PLCG1: variants seen among roughly 807,000 people sequenced by gnomAD.
The protein encoded by PLCG1 is phospholipase C gamma 1, also known as 1-phosphatidylinositol 4,5-bisphosphate phosphodiesterase gamma-1.
In PLCG1, 71 loss-of-function variants were observed where a neutral mutation model predicts 177.8. The ratio of observed to expected loss-of-function variants is 0.40; its 90% CI spans 0.33 to 0.49. The LOEUF (loss-of-function observed/expected upper bound fraction) is 0.49. Ranked by LOEUF, PLCG1 falls within the 20% of genes least tolerant of loss-of-function variation. The pLI, the probability that PLCG1 is intolerant of heterozygous loss-of-function variation, is 0.72. For missense variants in PLCG1, 1,281 were observed against 1,709.0 expected (o/e 0.75, Z 4.42); for synonymous variants, 658 against 647.9 (o/e 1.02, Z -0.24).
At position 41,167,514 on chromosome 20, in the gene PLCG1, A is replaced by C; in HGVS notation, c.2302-338A>C. ...TTTCCTGACTTTGGGCTCAGCAGTG[A>C]ACCAACAAGCCACTGAACTAAAGCA... On this transcript the variant is annotated intron_variant, in intron 19 of 31. Coordinates refer to ENST00000685551, the MANE Select transcript of PLCG1 (RefSeq NM_002660.3). This position sits in a 1 kb window ranked among gnomAD's most constrained non-coding sequence, Gnocchi z 4.4. 1 of 266,260 alleles carries C rather than the reference A, an allele frequency of 3.8e-6. No individual in the cohort carries two copies. The highest frequency in any genetic ancestry group is 7.2e-6 in the Non-Finnish European group (1 of 138,352). 16.5% of individuals were successfully genotyped at this position (266,260 alleles called of 1,614,324 possible).
At chr20:41,168,520 G>T (rs2035779825) in intron 20 of PLCG1, among the ~76,000 whole-genome samples, 1 of 152,244 alleles carries the variant, frequency 6.6e-6, no homozygotes, top group Non-Finnish European at 1.5e-5. Context: ...TGGGGCTTAA[G>T]GTTCCACCTG....
chr20:41,169,399 C>T lies in PLCG1; in HGVS notation c.2581-58C>T, dbSNP rs2035819620. 11 of 1,302,670 alleles carry T rather than the reference C, an allele frequency of 8.4e-6. No individual in the cohort carries two copies. In the South Asian group the frequency reaches 1.2e-4, roughly 14 times the overall value. The allele number at this position is 1,302,670 out of a possible 1,614,324, so 80.7% of individuals were successfully genotyped here. On this transcript the variant is annotated intron_variant, in intron 22 of 31. Coordinates refer to ENST00000685551, the MANE Select transcript of PLCG1 (RefSeq NM_002660.3). ...GTATTTGTCCCATGCACACGGATAT[C>T]CCCTCACACACATATGCAGTAGCCA...
rs2036093510 is a variant in PLCG1, at chr20:41,177,378, T to A, written c.*2869T>A. The A allele has an allele frequency of 6.6e-6, 1 of 152,264 alleles. No homozygotes were observed. Among genetic ancestry groups the A allele is most frequent in the Admixed American group, 6.5e-5 (1 of 15,292 alleles). The allele number at this position is 152,264 out of a possible 1,614,324, so 9.4% of individuals were successfully genotyped here. A position where few individuals can be genotyped will look rare whatever the true frequency, so the allele number is the denominator to read the frequency against. On this transcript the variant is annotated 3_prime_UTR_variant, in exon 32 of 32. Transcript: ENST00000685551. ...AGCAGTTTCTGACCTCAGTTGAGTATCTGTGGCCATGAGCAGAAAAGGCAG... is the reference window on the plus strand; with the variant it reads ...AGCAGTTTCTGACCTCAGTTGAGTAACTGTGGCCATGAGCAGAAAAGGCAG...
rs1295186023 is a variant in PLCG1, at chr20:41,150,891, C to G, written c.218-8715C>G. On this transcript the variant is annotated intron_variant, in intron 1 of 31. Transcript: ENST00000685551. This position sits in a 1 kb window ranked among gnomAD's most constrained non-coding sequence, Gnocchi z 4.0. Reference sequence around the variant, plus strand: ...CATGACCTCATAGTTATCTGCTTCCCCATCTGTTTCCTCCATCAGGCAGGG... The same window carrying G: ...CATGACCTCATAGTTATCTGCTTCCGCATCTGTTTCCTCCATCAGGCAGGG... Among the ~76,000 whole-genome samples, 1 of 152,190 alleles carries G rather than the reference C, an allele frequency of 6.6e-6. No individual in the cohort carries two copies. Among genetic ancestry groups the G allele is most frequent in the Non-Finnish European group, 1.5e-5 (1 of 68,030 alleles).
Position 41,137,741 on chromosome 20 carries a change from G to A in PLCG1, c.100G>A (p.Val34Ile). 1 of 1,322,842 alleles carries A rather than the reference G, an allele frequency of 7.6e-7. No homozygotes were observed. The allele number at this position is 1,322,842 out of a possible 1,614,324, so 81.9% of individuals were successfully genotyped here. The change falls in exon 1 of 32, where the codon GTC becomes ATC. Residue 34 changes from valine to isoleucine, a missense_variant. By Grantham distance (29) the Val-to-Ile change is conservative. Coordinates refer to ENST00000685551, the MANE Select transcript of PLCG1 (RefSeq NM_002660.3). This position sits in a 1 kb window ranked among gnomAD's most constrained non-coding sequence, Gnocchi z 7.3. ...HLCRSLEVGTVMTLFYSKKSQ... is the reference protein window; with the variant it reads ...HLCRSLEVGTIMTLFYSKKSQ... ...CTGCCGCAGCCTCGAGGTGGGCACC[G>A]TCATGACTTTGTTCTACTCCAAGAA...
In PLCG1 at chr20:41,153,911, A is replaced by G. The variant is rs2146020717; in HGVS notation, c.218-5695A>G. Among the ~76,000 whole-genome samples the G allele has an allele frequency of 6.6e-6, 1 of 152,342 alleles. No individual in the cohort carries two copies. On this transcript the variant is annotated intron_variant, in intron 1 of 31. Transcript: ENST00000685551. The surrounding 1 kb of genome is among the most constrained non-coding windows in gnomAD (Gnocchi z 5.1). ...ACACCCAGACCCAGAGAAATATTTC[A>G]GTGAAAGCATGTTTCATGTTCAGAA...
rs532675742 is a variant in PLCG1 at position 41,155,133 on chromosome 20, G to T, written c.218-4473G>T. ...TGCTCTTCCCAGTCTCCCTGGCCTC[G>T]TCATATAACCTTTTATTTTACAAAT... On this transcript the variant is annotated intron_variant, in intron 1 of 31. Transcript: ENST00000685551. Among the ~76,000 whole-genome samples, 5 of 152,310 alleles carry T rather than the reference G, an allele frequency of 3.3e-5. No homozygotes were observed. In the South Asian group the frequency reaches 1.0e-3, roughly 32 times the overall value.
chr20:41,162,764 G>T, intron 6 of PLCG1, 39 bp downstream of exon 6: 1 of 1,522,964 alleles, frequency 6.6e-7, no homozygotes, highest in Non-Finnish European at 9.0e-7. Flanking sequence ...CCCTGCCCCT[G>T]CTCTTCCACC....
In PLCG1 at chr20:41,163,049, G is replaced by A; in HGVS notation, c.716+57G>A. 6.4e-7 allele frequency: 1 copy of A among 1,568,926 alleles called. No individual in the cohort carries two copies. The highest frequency in any genetic ancestry group is 8.8e-7 in the Non-Finnish European group (1 of 1,138,886). ...CCTGGGCCCCCTTCATCTCTCCACT[G>A]GGCGATTCTTGATCCAGGTGGGAGG... is the stretch of plus-strand genomic sequence containing the variant. On this transcript the variant is annotated intron_variant, in intron 7 of 31. Coordinates refer to ENST00000685551, the MANE Select transcript of PLCG1 (RefSeq NM_002660.3). This position sits in a 1 kb window ranked among gnomAD's most constrained non-coding sequence, Gnocchi z 5.2.
At chr20:41,154,242 C>T (rs2146021270) in intron 1 of PLCG1, among the ~76,000 whole-genome samples, 1 of 152,276 alleles carries the variant, frequency 6.6e-6, no homozygotes, top group Non-Finnish European at 1.5e-5. Context: ...ATTTGGGGGA[C>T]CTCTGTCTGT....
In PLCG1 at chr20:41,162,838, C is replaced by T. The variant is rs2035557347; in HGVS notation, c.681+113C>T. Reference sequence around the variant, plus strand: ...GCTTAGGGGCTTTTGGGTGCCATTTCTCCAGTTCTTCTCCTCTTGAGGCCT... The same window carrying T: ...GCTTAGGGGCTTTTGGGTGCCATTTTTCCAGTTCTTCTCCTCTTGAGGCCT... On this transcript the variant is annotated intron_variant, in intron 6 of 31. Transcript: ENST00000685551. 3.1e-5 allele frequency: 41 copies of T among 1,332,044 alleles called. No individual in the cohort carries two copies. The South Asian group carries it at 4.9e-4, about 16-fold the overall frequency. The allele number at this position is 1,332,044 out of a possible 1,614,324, so 82.5% of individuals were successfully genotyped here. A position where few individuals can be genotyped will look rare whatever the true frequency, so the allele number is the denominator to read the frequency against.
At position 41,138,033 on chromosome 20, in the gene PLCG1, G is replaced by T. The variant is rs1056644614; in HGVS notation, c.217+175G>T. The T allele has an allele frequency of 3.2e-5, 13 of 405,740 alleles. No homozygotes were observed. The South Asian group carries it at 1.6e-3, about 51-fold the overall frequency. 25.1% of individuals were successfully genotyped at this position (405,740 alleles called of 1,614,324 possible). On this transcript the variant is annotated intron_variant, in intron 1 of 31. Coordinates refer to ENST00000685551, the MANE Select transcript of PLCG1 (RefSeq NM_002660.3). ...CTCGGGTGGTCACTGGGGGCGGGGG[G>T]CATCCGGGTCCTCGGTCACCTGACA...
rs36024108 is a variant in PLCG1 at position 41,144,193 on chromosome 20, G to A, written c.217+6335G>A. Among the ~76,000 whole-genome samples the A allele has an allele frequency of 0.021, 3,138 of 152,302 alleles. 98 individuals are homozygous for A. Among genetic ancestry groups the A allele is most frequent in the African/African-American group, 0.071 (2,940 of 41,560 alleles). ...GGAGTTACTATCCCTCTCTTACAGAGGAGAAAACCAAGCCCTAAGGGTAAG... is the reference window on the plus strand; with the variant it reads ...GGAGTTACTATCCCTCTCTTACAGAAGAGAAAACCAAGCCCTAAGGGTAAG... On this transcript the variant is annotated intron_variant, in intron 1 of 31. Transcript: ENST00000685551. This position sits in a 1 kb window ranked among gnomAD's most constrained non-coding sequence, Gnocchi z 4.1.
Position 41,170,236 on chromosome 20 carries a change from G to A in PLCG1, c.2775G>A (p.Lys925=), listed in dbSNP as rs149943087. Residue 925 remains lysine (K), a synonymous_variant, in exon 24 of 32, where the codon AAG becomes AAA. Transcript: ENST00000685551. The part of the protein sequence containing the change: ...SQEELQDWVK[K]IREVAQTADA... ...AGGAGCTGCAGGACTGGGTGAAAAA[G>A]ATCCGTGAAGTGGCCCAGACAGCAG... 3.2e-5 allele frequency: 52 copies of A among 1,614,136 alleles called. No homozygotes were observed. In the African/African-American group the frequency reaches 5.9e-4, roughly 18 times the overall value.
rs747187876 is a variant in PLCG1, at chr20:41,173,541, C to T, written c.3394+7C>T. 1.1e-5 allele frequency: 17 copies of T among 1,613,818 alleles called. No homozygotes were observed. In the Middle Eastern group the frequency reaches 4.9e-4, roughly 47 times the overall value. On this transcript the variant is annotated splice_region_variant and intron_variant, in intron 28 of 31. Coordinates refer to ENST00000685551, the MANE Select transcript of PLCG1 (RefSeq NM_002660.3). The surrounding 1 kb of genome is among the most constrained non-coding windows in gnomAD (Gnocchi z 6.2). ...CAGAAGACAGAGTTTGTGGGTCAGT[C>T]TGTCTTCCCAGTCATCCTCCTCATC...
intron 1 of PLCG1, among the ~76,000 whole-genome samples, chr20:41,149,132 G>GT (rs749466329): frequency 6.6e-6 from 1 of 152,176 alleles, no homozygotes; most frequent in South Asian, 2.1e-4. Context: ...GTTGCTCATC[G>GT]TCTCTTCCCA....
chr20:41,145,752 G>T (rs373084894), intron 1 of PLCG1, among the ~76,000 whole-genome samples: 136 of 152,292 alleles, frequency 8.9e-4, no homozygotes, highest in African/African-American at 3.1e-3. Flanking sequence ...CTGTAGTTTT[G>T]GGGAAGAAGC....
Position 41,167,684 on chromosome 20 carries a change from G to T in PLCG1, c.2302-168G>T. Reference sequence around the variant, plus strand: ...TGAAGAAAGGAAAGGGAACAGTGAGGCCGGGCCTGAGGCCTCTGAAGCCGT... The same window carrying T: ...TGAAGAAAGGAAAGGGAACAGTGAGTCCGGGCCTGAGGCCTCTGAAGCCGT... On this transcript the variant is annotated intron_variant, in intron 19 of 31. Coordinates refer to ENST00000685551, the MANE Select transcript of PLCG1 (RefSeq NM_002660.3). This position sits in a 1 kb window ranked among gnomAD's most constrained non-coding sequence, Gnocchi z 4.4. 1 of 610,046 alleles carries T rather than the reference G, an allele frequency of 1.6e-6. No homozygotes were observed. The allele number at this position is 610,046 out of a possible 1,614,324, so 37.8% of individuals were successfully genotyped here.
In PLCG1 at chr20:41,174,233, C is replaced by A. The variant is rs1397975115; in HGVS notation, c.3755C>A (p.Ser1252Tyr). The A allele has an allele frequency of 6.2e-7, 1 of 1,614,066 alleles. No individual in the cohort carries two copies. The highest frequency in any genetic ancestry group is 8.5e-7 in the Non-Finnish European group (1 of 1,180,048). The change falls in exon 31 of 32, where the codon TCC (serine) becomes TAC (tyrosine). Residue 1252 changes from serine to tyrosine, a missense_variant. Transcript: ENST00000685551. The surrounding 1 kb of genome is among the most constrained non-coding windows in gnomAD (Gnocchi z 5.8). Reference sequence around the variant, plus strand: ...CGAGCCCGGGAAGGCTCCTTTGAATCCCGCTACCAGCAGCCGTTTGAGGAC... The same window carrying A: ...CGAGCCCGGGAAGGCTCCTTTGAATACCGCTACCAGCAGCCGTTTGAGGAC... ...HGRAREGSFE[S>Y]RYQQPFEDFR...
Sources: gnomAD v4.1 joint callset for allele counts (sites outside exome capture counted in the v4.1 genomes callset) on GRCh38, gnomAD v4.1.1 for gene constraint, Gnocchi (gnomAD v3.1) non-coding constraint, MANE v1.5 for transcripts, NCBI Gene and HGNC (gene_info 2026-07-23, HGNC 2026-07-21) for gene names.